IPP: variants seen among roughly 807,000 people sequenced by gnomAD.
IPP encodes the protein actin-binding protein IPP.
In IPP, 41 loss-of-function variants were observed where a neutral mutation model predicts 64.1. That is an observed-to-expected ratio of 0.64 (90% CI 0.50 to 0.83). The LOEUF is 0.83. Ranked by LOEUF, IPP falls within the 40% of genes least tolerant of loss-of-function variation. IPP has a pLI of 0.00. For missense variants in IPP, 649 were observed against 703.0 expected, an observed-to-expected ratio of 0.92 and a Z score of 0.87; for synonymous variants, 214 against 235.2, an observed-to-expected ratio of 0.91 and a Z score of 0.83.
chr1:45,734,094 T>C (rs1351327376), intron 3 of IPP, among the ~76,000 whole-genome samples: 1 of 151,924 alleles, frequency 6.6e-6, no homozygotes, highest in African/African-American at 2.4e-5. Flanking sequence ...AGGGGAATCA[T>C]GACTACAAAT....
chr1:45,711,747 C>G (rs1482556674), intron 8 of IPP, among the ~76,000 whole-genome samples: 1 of 145,642 alleles, frequency 6.9e-6, no homozygotes, highest in East Asian at 2.0e-4. Context: ...GAGTAAGACT[C>G]TGTCACAAAA....
rs766428573 is a variant in IPP at position 45,719,214 on chromosome 1, A to C, written c.1175T>G (p.Ile392Ser). The change falls in exon 6 of 9, where the codon ATC becomes AGC. Residue 392 changes from isoleucine (I) to serine (S), a missense_variant. Ile to Ser is a moderately radical substitution (Grantham distance 142). Coordinates refer to ENST00000396478, the MANE Select transcript of IPP (RefSeq NM_005897.3). ...GLGVCVCYGAIYALGGWVGAE... is the reference protein window; with the variant it reads ...GLGVCVCYGASYALGGWVGAE... The stretch of plus-strand genomic sequence containing the variant: ...AACAACATAATTACCCAAAGCATAG[A>C]TAGCCCCATAACACACACACACTCC... 1.9e-6 allele frequency: 3 copies of C among 1,613,992 alleles called. No homozygotes were observed. Among genetic ancestry groups the C allele is most frequent in the African/African-American group, 1.3e-5 (1 of 74,942 alleles).
At chr1:45,743,414 C>CAA (rs34696589) in intron 2 of IPP, among the ~76,000 whole-genome samples, 68 of 142,554 alleles carry the variant, frequency 4.8e-4, no homozygotes, top group South Asian at 1.1e-3. Context: ...GACTCCGCCT[C>CAA]AAAAAAAAAA....
chr1:45,697,474 A>C (rs765445492), downstream of IPP: 2 of 151,464 alleles, frequency 1.3e-5, no homozygotes, highest in Non-Finnish European at 2.9e-5. Context: ...CTGGTCTTGA[A>C]CTCCTGACCT....
At chr1:45,724,890 G>C (rs1265195306) in intron 5 of IPP, among the ~76,000 whole-genome samples, 1 of 149,352 alleles carries the variant, frequency 6.7e-6, no homozygotes. Context: ...AGGGAGGTGG[G>C]GGGGGTCAGC....
At chr1:45,728,010 T>C (rs1006948722) in intron 4 of IPP, among the ~76,000 whole-genome samples, 2 of 152,192 alleles carry the variant, frequency 1.3e-5, no homozygotes, top group African/African-American at 4.8e-5. Flanking sequence ...TGGTCTTGGT[T>C]ATAAATAGAA....
chr1:45,720,891 A>G (rs887411546), intron 5 of IPP, among the ~76,000 whole-genome samples: 4 of 152,230 alleles, frequency 2.6e-5, no homozygotes, highest in Admixed American at 2.0e-4. Context: ...AACTGTATAA[A>G]ACAATGAAGG....
intron 6 of IPP, among the ~76,000 whole-genome samples, chr1:45,718,781 G>A (rs1645693358): frequency 6.6e-6 from 1 of 151,808 alleles, no homozygotes; most frequent in South Asian, 2.1e-4. Context: ...CTTCTTTGTG[G>A]GATCTAAAAA....
rs577566851 is a variant in IPP, at chr1:45,703,021, A to T, written c.1531-2831T>A. 2.8e-4 allele frequency among the ~76,000 whole-genome samples: 42 copies of T among 152,290 alleles called. No individual in the cohort carries two copies. In the South Asian group the frequency reaches 8.7e-3, roughly 32 times the overall value. On this transcript the variant is annotated intron_variant, in intron 8 of 8. Transcript: ENST00000396478. ...TGTACTGGAGGTTCTAGCTAGGGTA[A>T]TGAGGGGAAAACAATGAAAAAAAAT...
At chr1:45,710,525 A>G (rs1645575851) in intron 8 of IPP, among the ~76,000 whole-genome samples, 2 of 44,630 alleles carry the variant, frequency 4.5e-5, no homozygotes, top group Non-Finnish European at 8.5e-5. Context: ...GGAGGCTAAG[A>G]CAGGAGAATT....
chr1:45,714,542 C>A, intron 7 of IPP, 76 bp from the exon 8 acceptor site: 1 of 867,802 alleles, frequency 1.2e-6, no homozygotes. Flanking sequence ...TGATTGTGAT[C>A]TATGTTTCCA....
chr1:45,721,398 A>G (rs1190072345), intron 5 of IPP, among the ~76,000 whole-genome samples: 2 of 152,228 alleles, frequency 1.3e-5, no homozygotes, highest in African/African-American at 4.8e-5. Context: ...AGCTGCCTGC[A>G]AAAACCTTGG....
Position 45,719,185 on chromosome 1 carries a change from AC to A in IPP, c.1186+17del. ...CATAAACAATATTAGCTATCTTTAA[AC>A]TGAACAACATAATTACCCAAAGCAT... is the stretch of plus-strand genomic sequence containing the variant. On this transcript the variant is annotated intron_variant, in intron 6 of 8. Coordinates refer to ENST00000396478, the MANE Select transcript of IPP (RefSeq NM_005897.3). The A allele has an allele frequency of 1.2e-6, 2 of 1,613,290 alleles. No homozygotes were observed. The highest frequency in any genetic ancestry group is 1.7e-6 in the Non-Finnish European group (2 of 1,179,352).
chr1:45,721,612 A>C (rs150913726), intron 5 of IPP, among the ~76,000 whole-genome samples: 1 of 152,202 alleles, frequency 6.6e-6, no homozygotes, highest in Non-Finnish European at 1.5e-5. Flanking sequence ...CACTATAATA[A>C]ATCTTAGCTG....
In IPP at chr1:45,740,928, G is replaced by T. The variant is rs1268925490; in HGVS notation, c.697C>A (p.Pro233Thr). ...LDPIRFPLLP[P>T]QRLLKYIEGV... ...TCTATATACTTTAAAAGTCTCTGAG[G>T]AGGTAATAAAGGGAATCGAATTGGG... Residue 233 changes from proline to threonine, a missense_variant, in exon 3 of 9, where the codon CCT becomes ACT. Coordinates refer to ENST00000396478, the MANE Select transcript of IPP (RefSeq NM_005897.3). 1 of 1,602,804 alleles carries T rather than the reference G, an allele frequency of 6.2e-7. No homozygotes were observed. The highest frequency in any genetic ancestry group is 1.3e-5 in the African/African-American group (1 of 74,116).
At chr1:45,707,867 A>G (rs1042481129) in intron 8 of IPP, among the ~76,000 whole-genome samples, 1 of 152,136 alleles carries the variant, frequency 6.6e-6, no homozygotes, top group Non-Finnish European at 1.5e-5. Context: ...TGAATTCCAA[A>G]AAGGTTAAAC....
At chr1:45,731,308 G>T (rs992430493) in intron 3 of IPP, among the ~76,000 whole-genome samples, 1 of 152,110 alleles carries the variant, frequency 6.6e-6, no homozygotes. Flanking sequence ...GGGCGTGGTG[G>T]TATGAACTTT....
intron 7 of IPP, among the ~76,000 whole-genome samples, chr1:45,716,215 C>T (rs967754032): frequency 1.3e-5 from 2 of 152,018 alleles, no homozygotes; most frequent in Admixed American, 6.6e-5. Context: ...AGAAAAAAAA[C>T]GCTAAAGAAG....
intron 7 of IPP, among the ~76,000 whole-genome samples, chr1:45,714,845 T>A (rs1645636737): frequency 6.6e-6 from 1 of 152,170 alleles, no homozygotes. Context: ...TACATGGCCC[T>A]CTTTAGTGAC....
Sources: gnomAD v4.1 joint callset for allele counts (sites outside exome capture counted in the v4.1 genomes callset) on GRCh38, gnomAD v4.1.1 for gene constraint, MANE v1.5 for transcripts, NCBI Gene and HGNC (gene_info 2026-07-23, HGNC 2026-07-21) for gene names.